The following TOP1 variants were observed in gnomAD, a reference collection of about 807,000 sequenced individuals.
The protein encoded by TOP1 is DNA topoisomerase I.
A neutral mutation model predicts 111.1 loss-of-function variants in TOP1; 10 were observed. The ratio of observed to expected loss-of-function variants is 0.09; its 90% CI spans 0.06 to 0.15. The LOEUF (loss-of-function observed/expected upper bound fraction) is 0.15, where lower values mean the gene tolerates loss of function less well. Among genes scored for constraint, TOP1 ranks in the 10% least tolerant of loss-of-function variants. The pLI, the probability that TOP1 is intolerant of heterozygous loss-of-function variation, is 1.00. For synonymous variants in TOP1, 271 were observed against 302.9 expected, an observed-to-expected ratio of 0.89 and a Z score of 1.10; for missense variants, 474 against 926.7, an observed-to-expected ratio of 0.51 and a Z score of 6.34.
chr20:41,042,823 A>G (rs1008564187), intron 2 of TOP1, among the ~76,000 whole-genome samples: 7 of 152,252 alleles, frequency 4.6e-5, no homozygotes, highest in Non-Finnish European at 8.8e-5. Context: ...ATTATATACT[A>G]TGATCTCACA....
Position 41,116,403 on chromosome 20 carries a change from C to G in TOP1, c.1822+11C>G, listed in dbSNP as rs2034330066. 6.2e-7 allele frequency: 1 copy of G among 1,608,858 alleles called. No homozygotes were observed. The highest frequency in any genetic ancestry group is 8.5e-7 in the Non-Finnish European group (1 of 1,175,230). On this transcript the variant is annotated intron_variant, in intron 17 of 20. Transcript: ENST00000361337. The surrounding 1 kb of genome is among the most constrained non-coding windows in gnomAD (Gnocchi z 5.6). ...AAGAACTGACAGCCCGTAAGTATTG[C>G]TTGGCCAGATAGGGCCCACACCCCT... is the stretch of plus-strand genomic sequence containing the variant.
chr20:41,035,936 A>T (rs913322461), intron 2 of TOP1, among the ~76,000 whole-genome samples: 4 of 152,202 alleles, frequency 2.6e-5, no homozygotes, highest in African/African-American at 7.2e-5. Context: ...GACTCCAGTA[A>T]GGTAGCCCCT....
At position 41,092,949 on chromosome 20, in the gene TOP1, T is replaced by C. The variant is rs898364794; in HGVS notation, c.730+362T>C. On this transcript the variant is annotated intron_variant, in intron 9 of 20. Transcript: ENST00000361337. This position sits in a 1 kb window ranked among gnomAD's most constrained non-coding sequence, Gnocchi z 4.3. ...CTCACTTGAATGGTAGTATTTTATG[T>C]TAGCAATATAACAATGCAATCGGAC... Among the ~76,000 whole-genome samples the C allele has an allele frequency of 2.0e-5, 3 of 152,252 alleles. No individual in the cohort carries two copies. The highest frequency in any genetic ancestry group is 4.4e-5 in the Non-Finnish European group (3 of 68,042).
At position 41,034,970 on chromosome 20, in the gene TOP1, A is replaced by G. The variant is rs745604863; in HGVS notation, c.58+5515A>G. 1.3e-4 allele frequency among the ~76,000 whole-genome samples: 20 copies of G among 151,800 alleles called. No homozygotes were observed. The highest frequency in any genetic ancestry group is 3.9e-4 in the African/African-American group (16 of 41,290). ...AGTAGTGTGATTGCAGCTCACTGCA[A>G]CCTCTGCCTCCTGGGCTCAAGCGAT... On this transcript the variant is annotated intron_variant, in intron 2 of 20. Coordinates refer to ENST00000361337, the MANE Select transcript of TOP1 (RefSeq NM_003286.4). This position sits in a 1 kb window ranked among gnomAD's most constrained non-coding sequence, Gnocchi z 4.0.
At position 41,098,708 on chromosome 20, in the gene TOP1, T is replaced by G. The variant is rs1280300371; in HGVS notation, c.975+371T>G. The G allele has an allele frequency of 6.3e-6, 1 of 157,772 alleles. No individual in the cohort carries two copies. The highest frequency in any genetic ancestry group is 2.4e-5 in the African/African-American group (1 of 41,544). 9.8% of individuals were successfully genotyped at this position (157,772 alleles called of 1,614,324 possible). ...ATGTACCTCCCTGCTCTTTGATCTA[T>G]TTTACTCTGGAATCTTGTGATGCTC... On this transcript the variant is annotated intron_variant, in intron 11 of 20. Transcript: ENST00000361337. This position sits in a 1 kb window ranked among gnomAD's most constrained non-coding sequence, Gnocchi z 5.7.
chr20:41,123,884 A>G lies in TOP1; in HGVS notation c.*587A>G, dbSNP rs749946985. ...AGTGTTTTGGTTCAGACACCTGTTCACAGAAAAAGCATGATGGGAAAATAT... is the reference window on the plus strand; with the variant it reads ...AGTGTTTTGGTTCAGACACCTGTTCGCAGAAAAAGCATGATGGGAAAATAT... On this transcript the variant is annotated 3_prime_UTR_variant, in exon 21 of 21. Coordinates refer to ENST00000361337, the MANE Select transcript of TOP1 (RefSeq NM_003286.4). This position sits in a 1 kb window ranked among gnomAD's most constrained non-coding sequence, Gnocchi z 5.8. The G allele has an allele frequency of 1.4e-4, 32 of 232,500 alleles. No homozygotes were observed. Among genetic ancestry groups the G allele is most frequent in the Non-Finnish European group, 2.6e-4 (30 of 117,402 alleles). The allele number at this position is 232,500 out of a possible 1,614,324, so 14.4% of individuals were successfully genotyped here. A position where few individuals can be genotyped will look rare whatever the true frequency, so the allele number is the denominator to read the frequency against.
chr20:41,089,273 G>A (rs1247979530), intron 8 of TOP1, among the ~76,000 whole-genome samples: 6 of 152,148 alleles, frequency 3.9e-5, no homozygotes, highest in South Asian at 2.1e-4. Context: ...TGATCTGCCC[G>A]CCTTGGCCTC....
chr20:41,090,025 G>C (rs1278734280), intron 8 of TOP1, among the ~76,000 whole-genome samples: 1 of 152,064 alleles, frequency 6.6e-6, no homozygotes, highest in East Asian at 1.9e-4. Flanking sequence ...CCAGGCTGGA[G>C]TGCAGTGGCG....
At chr20:41,056,842 A>G (rs528291696) in intron 2 of TOP1, among the ~76,000 whole-genome samples, 22 of 152,318 alleles carry the variant, frequency 1.4e-4, no homozygotes, top group Admixed American at 1.1e-3. Flanking sequence ...ATTTGTATCA[A>G]TGAGATTAAT....
At chr20:41,060,557 A>T (rs2033532012) in intron 2 of TOP1, among the ~76,000 whole-genome samples, 1 of 152,130 alleles carries the variant, frequency 6.6e-6, no homozygotes, top group Admixed American at 6.6e-5. Flanking sequence ...GAGATGATGG[A>T]CTTGTTCTAA....
chr20:41,051,701 A>G (rs1303659697), intron 2 of TOP1, among the ~76,000 whole-genome samples: 1 of 151,916 alleles, frequency 6.6e-6, no homozygotes, highest in Non-Finnish European at 1.5e-5. Flanking sequence ...TTCCTTTTTC[A>G]TAAGTGCTTT....
In TOP1 at chr20:41,029,784, T is replaced by G; in HGVS notation, c.58+329T>G. On this transcript the variant is annotated intron_variant, in intron 2 of 20. Coordinates refer to ENST00000361337, the MANE Select transcript of TOP1 (RefSeq NM_003286.4). The surrounding 1 kb of genome is among the most constrained non-coding windows in gnomAD (Gnocchi z 6.1). ...ACTTAGTCTCTGCGCCATTTTCTTT[T>G]TCTCTCTCCTCTCCTTTCTGTGCCT... 1 of 418,194 alleles carries G rather than the reference T, an allele frequency of 2.4e-6. No individual in the cohort carries two copies. The highest frequency in any genetic ancestry group is 4.4e-6 in the Non-Finnish European group (1 of 227,846). 25.9% of individuals were successfully genotyped at this position (418,194 alleles called of 1,614,324 possible).
chr20:41,065,203 C>A (rs2033592516), intron 3 of TOP1, among the ~76,000 whole-genome samples: 1 of 152,192 alleles, frequency 6.6e-6, no homozygotes, highest in Non-Finnish European at 1.5e-5. Context: ...CCACGCCCAG[C>A]CTTTTGTATT....
At position 41,097,425 on chromosome 20, in the gene TOP1, T is replaced by G. The variant is rs1343722830; in HGVS notation, c.852+84T>G. 8 of 1,364,808 alleles carry G rather than the reference T, an allele frequency of 5.9e-6. No homozygotes were observed. Among genetic ancestry groups the G allele is most frequent in the Non-Finnish European group, 3.0e-6 (3 of 1,010,874 alleles). 84.5% of individuals were successfully genotyped at this position (1,364,808 alleles called of 1,614,324 possible). ...ATAAATTATCATTTTGCAAAACATT[T>G]CCTGATGTAAAATTTGAGTTGTATG... On this transcript the variant is annotated intron_variant, in intron 10 of 20. Coordinates refer to ENST00000361337, the MANE Select transcript of TOP1 (RefSeq NM_003286.4). This position sits in a 1 kb window ranked among gnomAD's most constrained non-coding sequence, Gnocchi z 4.2.
At chr20:41,033,366 A>G (rs976791109) in intron 2 of TOP1, among the ~76,000 whole-genome samples, 1 of 151,552 alleles carries the variant, frequency 6.6e-6, no homozygotes, top group African/African-American at 2.4e-5. Flanking sequence ...AAAAAAAAAA[A>G]AGGAATTGAG....
chr20:41,103,916 A>G (rs1254795879), intron 13 of TOP1, among the ~76,000 whole-genome samples: 1 of 152,026 alleles, frequency 6.6e-6, no homozygotes, highest in Non-Finnish European at 1.5e-5. Context: ...GTACCCCGGT[A>G]TACTCTCAGA....
intron 2 of TOP1, among the ~76,000 whole-genome samples, chr20:41,043,045 C>A (rs1432603143): frequency 6.6e-6 from 1 of 152,168 alleles, no homozygotes; most frequent in African/African-American, 2.4e-5. Flanking sequence ...TCAAGCATTT[C>A]AAACACATAT....
Position 41,121,698 on chromosome 20 carries a change from T to G in TOP1, c.1953T>G (p.Ile651Met). The G allele has an allele frequency of 1.9e-6, 3 of 1,613,772 alleles. No individual in the cohort carries two copies. Among genetic ancestry groups the G allele is most frequent in the Non-Finnish European group, 1.7e-6 (2 of 1,179,684 alleles). Residue 651 changes from isoleucine (I) to methionine (M), a missense_variant and splice_region_variant, in exon 19 of 21, where the codon ATT (isoleucine) becomes ATG (methionine). Around this residue, in one of 14 missense-constraint regions of TOP1, gnomAD observed 13 missense variants for 56.8 expected, o/e 0.23. Coordinates refer to ENST00000361337, the MANE Select transcript of TOP1 (RefSeq NM_003286.4). The surrounding 1 kb of genome is among the most constrained non-coding windows in gnomAD (Gnocchi z 4.2). The stretch of plus-strand genomic sequence containing the variant: ...CTTACCACTATTATTTCCCCTAGAT[T>G]GATGCCAAGAAGGAACAGCTAGCAG... ...EKSMMNLQTK[I>M]DAKKEQLADA...
chr20:41,099,758 T>C (rs1333111720), intron 11 of TOP1, among the ~76,000 whole-genome samples: 2 of 152,222 alleles, frequency 1.3e-5, no homozygotes, highest in African/African-American at 2.4e-5. Context: ...TAAAACAGTA[T>C]GAATTTTTAA....
Sources: allele counts gnomAD v4.1 joint callset (sites outside exome capture counted in the v4.1 genomes callset), GRCh38; gene constraint gnomAD v4.1.1; regional missense constraint gnomAD v4.1.1; non-coding constraint Gnocchi (gnomAD v3.1); transcripts MANE v1.5; gene names NCBI Gene and HGNC (gene_info 2026-07-23, HGNC 2026-07-21).